RBFOX1: variants seen among roughly 807,000 people sequenced by gnomAD.
RBFOX1 encodes the protein RNA binding protein fox-1 homolog 1.
In RBFOX1, 8 loss-of-function variants were observed where a neutral mutation model predicts 57.7. The ratio of observed to expected loss-of-function variants is 0.14; its 90% confidence interval spans 0.08 to 0.25. RBFOX1 has a LOEUF of 0.25. RBFOX1 is among the 10% of genes least tolerant of loss of function. The pLI, the probability that RBFOX1 is intolerant of heterozygous loss-of-function variation, is 1.00. For missense variants in RBFOX1, 611 were observed against 548.5 expected (o/e 1.11, Z -1.14); for synonymous variants, 326 against 222.4 (o/e 1.47, Z -4.15).
At chr16:7,339,932 C>T (rs1312343748) in intron 4 of RBFOX1, among the ~76,000 whole-genome samples, 2 of 152,218 alleles carry the variant, frequency 1.3e-5, no homozygotes, top group African/African-American at 2.4e-5. Flanking sequence ...CACAAGCACA[C>T]CATGTCCAAG....
At chr16:6,189,360 G>T (rs2097127699) in intron 1 of RBFOX1, among the ~76,000 whole-genome samples, 1 of 152,202 alleles carries the variant, frequency 6.6e-6, no homozygotes, top group South Asian at 2.1e-4. Flanking sequence ...AGTGCGCGCT[G>T]GTTCACAGGT....
At chr16:5,895,014 C>T (rs550002829) in intron 4 of RBFOX1, among the ~76,000 whole-genome samples, 15 of 142,258 alleles carry the variant, frequency 1.1e-4, no homozygotes, top group South Asian at 4.6e-4. Context: ...CAGAGTGAGA[C>T]TCCGTCTAAA....
In RBFOX1 at chr16:7,283,793, G is replaced by A. The variant is rs577435197; in HGVS notation, c.27+231695G>A. Among the ~76,000 whole-genome samples, 13 of 152,248 alleles carry A rather than the reference G, an allele frequency of 8.5e-5. 1 individual carries two copies. Among genetic ancestry groups the A allele is most frequent in the Admixed American group, 2.0e-4 (3 of 15,290 alleles). ...ATTGCATCAAAGTCAGGTTTACTGAGGCATAATTTACACACGGTAAAATGT... is the reference window on the plus strand; with the variant it reads ...ATTGCATCAAAGTCAGGTTTACTGAAGCATAATTTACACACGGTAAAATGT... On this transcript the variant is annotated intron_variant, in intron 4 of 15. Coordinates refer to ENST00000550418, the MANE Select transcript of RBFOX1 (RefSeq NM_018723.4).
intron 2 of RBFOX1, among the ~76,000 whole-genome samples, chr16:6,442,704 C>G (rs937344983): frequency 1.3e-5 from 2 of 152,168 alleles, no homozygotes; most frequent in African/African-American, 4.8e-5. Context: ...TGTCTTTTCT[C>G]TTTGTAATTC....
intron 10 of RBFOX1, chr16:7,614,565 C>G (rs1490698627): frequency 1.3e-5 from 2 of 152,178 alleles, no homozygotes; most frequent in Non-Finnish European, 2.9e-5. Flanking sequence ...TGTGGGAAGT[C>G]TGTCAAGAAC....
chr16:6,117,111 A>T (rs1257505027), intron 1 of RBFOX1, among the ~76,000 whole-genome samples: 1 of 152,188 alleles, frequency 6.6e-6, no homozygotes, highest in African/African-American at 2.4e-5. Context: ...GTAGTTGTAG[A>T]TAAATAAAGG....
chr16:6,082,750 G>A (rs184982485), intron 1 of RBFOX1, among the ~76,000 whole-genome samples: 36 of 152,170 alleles, frequency 2.4e-4, no homozygotes, highest in Admixed American at 7.8e-4. Context: ...ATAGAACTAG[G>A]GCTGAGGCAG....
At chr16:7,629,971 A>G (rs562366810) in intron 10 of RBFOX1, among the ~76,000 whole-genome samples, 4 of 152,166 alleles carry the variant, frequency 2.6e-5, no homozygotes, top group African/African-American at 9.6e-5. Flanking sequence ...AAAAGTTGCA[A>G]TTTTTCTTTC....
At chr16:7,246,163 G>A (rs1305592788) in intron 4 of RBFOX1, among the ~76,000 whole-genome samples, 1 of 152,120 alleles carries the variant, frequency 6.6e-6, no homozygotes. Flanking sequence ...CAAGTTTGCT[G>A]AAGCCAAGAC....
intron 4 of RBFOX1, among the ~76,000 whole-genome samples, chr16:7,170,457 T>C (rs932206347): frequency 3.4e-4 from 52 of 152,234 alleles, no homozygotes; most frequent in African/African-American, 9.1e-4. Flanking sequence ...CTTTTTTTTT[T>C]CCAAGATAGA....
At chr16:6,314,935 G>A (rs1008281596) in intron 1 of RBFOX1, among the ~76,000 whole-genome samples, 1 of 152,122 alleles carries the variant, frequency 6.6e-6, no homozygotes, top group African/African-American at 2.4e-5. Context: ...TACGATGTCA[G>A]CTCCGTTGCC....
At chr16:5,261,862 C>G (rs886120904) in intron 1 of RBFOX1, among the ~76,000 whole-genome samples, 5 of 152,096 alleles carry the variant, frequency 3.3e-5, no homozygotes, top group African/African-American at 1.2e-4. Context: ...CCTCATTGTG[C>G]TTTGTAGTAA....
intron 3 of RBFOX1, chr16:6,874,089 G>A (rs1469968282): frequency 6.6e-6 from 1 of 152,210 alleles, no homozygotes; most frequent in African/African-American, 2.4e-5. Flanking sequence ...GCACATGCAT[G>A]TTTATAGCAG....
intron 3 of RBFOX1, among the ~76,000 whole-genome samples, chr16:6,724,682 G>A (rs952511031): frequency 6.6e-6 from 1 of 152,096 alleles, no homozygotes; most frequent in Non-Finnish European, 1.5e-5. Context: ...CTGCCTCAAA[G>A]TCAACATTTA....
At chr16:6,154,070 A>G (rs549120158) in intron 1 of RBFOX1, among the ~76,000 whole-genome samples, 31 of 152,360 alleles carry the variant, frequency 2.0e-4, no homozygotes, top group African/African-American at 6.7e-4. Flanking sequence ...CTCCACTGGC[A>G]TAGCCTGGTG....
intron 4 of RBFOX1, among the ~76,000 whole-genome samples, chr16:7,335,960 G>A (rs925856096): frequency 5.9e-5 from 9 of 152,190 alleles, no homozygotes; most frequent in African/African-American, 2.2e-4. Context: ...AAGCAGAGAG[G>A]AAAGGATAAG....
chr16:6,508,974 A>C (rs2096186726), intron 2 of RBFOX1, among the ~76,000 whole-genome samples: 1 of 152,150 alleles, frequency 6.6e-6, no homozygotes, highest in African/African-American at 2.4e-5. Context: ...GTGAATGTAA[A>C]GTTTTTATTT....
intron 1 of RBFOX1, among the ~76,000 whole-genome samples, chr16:6,131,573 A>T (rs1160884773): frequency 3.3e-5 from 5 of 152,208 alleles, no homozygotes. Context: ...TCCCCAGATG[A>T]CTCTCAAGTT....
chr16:6,346,247 A>T (rs2085347362), intron 2 of RBFOX1, among the ~76,000 whole-genome samples: 1 of 152,238 alleles, frequency 6.6e-6, no homozygotes, highest in African/African-American at 2.4e-5. Context: ...CAAGCAATCC[A>T]TCTGAGAGAA....
Sources: allele counts gnomAD v4.1 joint callset (sites outside exome capture counted in the v4.1 genomes callset), GRCh38; gene constraint gnomAD v4.1.1; transcripts MANE v1.5; gene names NCBI Gene and HGNC (gene_info 2026-07-23, HGNC 2026-07-21).